DRC8: variants seen among roughly 807,000 people sequenced by gnomAD.
The protein encoded by DRC8 is dynein regulatory complex protein 8.
the DRC8 span, among the ~76,000 whole-genome samples, chr1:244,996,285 G>T: frequency 6.6e-6 from 1 of 151,898 alleles, no homozygotes; most frequent in African/African-American, 2.4e-5. Flanking sequence ...GATAAGAGGG[G>T]TGTGGGGGGG....
the DRC8 span, among the ~76,000 whole-genome samples, chr1:245,121,602 C>T: frequency 6.6e-6 from 1 of 152,210 alleles, no homozygotes; most frequent in African/African-American, 2.4e-5. Flanking sequence ...CCATCACTGC[C>T]TAGCTTAGGC....
the DRC8 span, chr1:245,002,017 T>C: frequency 1.1e-5 from 10 of 882,254 alleles, no homozygotes; most frequent in African/African-American, 1.7e-4. Context: ...GATTTTGCTT[T>C]GAAGTGAAAA....
At chr1:245,053,814 C>T in the DRC8 span, among the ~76,000 whole-genome samples, 2 of 152,064 alleles carry the variant, frequency 1.3e-5, no homozygotes, top group Non-Finnish European at 2.9e-5. Flanking sequence ...ATGGGTTCCT[C>T]AAGGGGATGT....
At chr1:245,117,486 G>A in the DRC8 span, among the ~76,000 whole-genome samples, 1 of 151,940 alleles carries the variant, frequency 6.6e-6, no homozygotes, top group Non-Finnish European at 1.5e-5. Context: ...CTGCAGTGGT[G>A]CAATCTTGAC....
chr1:245,096,968 T>G, the DRC8 span, among the ~76,000 whole-genome samples: 1 of 152,204 alleles, frequency 6.6e-6, no homozygotes, highest in Non-Finnish European at 1.5e-5. Flanking sequence ...CACACAGGGC[T>G]TAGTAAGTGG....
chr1:245,030,774 C>G, the DRC8 span: 1 of 152,494 alleles, frequency 6.6e-6, no homozygotes, highest in South Asian at 2.1e-4. Context: ...CTCTCTGTGC[C>G]GTTCCTCTTC....
the DRC8 span, among the ~76,000 whole-genome samples, chr1:245,077,936 G>A: frequency 6.6e-6 from 1 of 151,740 alleles, no homozygotes; most frequent in African/African-American, 2.4e-5. Flanking sequence ...TGGAATGGGA[G>A]AAAATGTTGC....
the DRC8 span, among the ~76,000 whole-genome samples, chr1:244,993,562 A>C: frequency 2.0e-5 from 3 of 152,254 alleles, no homozygotes; most frequent in Non-Finnish European, 4.4e-5. Flanking sequence ...TAACATCCAC[A>C]GACACTTCTA....
chr1:245,040,139 AAG>A, the DRC8 span, among the ~76,000 whole-genome samples: 1 of 152,234 alleles, frequency 6.6e-6, no homozygotes, highest in African/African-American at 2.4e-5. Flanking sequence ...TATTTTTAAA[AAG>A]GAAATTCCAG....
At chr1:245,027,870 G>GTTT in the DRC8 span, among the ~76,000 whole-genome samples, 2 of 137,976 alleles carry the variant, frequency 1.4e-5, no homozygotes, top group African/African-American at 2.7e-5. Flanking sequence ...TCTCTTGTCA[G>GTTT]TTTTTTTTTT....
chr1:245,033,116 C>T, the DRC8 span, among the ~76,000 whole-genome samples: 8 of 152,200 alleles, frequency 5.3e-5, no homozygotes, highest in African/African-American at 1.9e-4. Flanking sequence ...CACGGCTAGT[C>T]CGGTACTGCA....
At chr1:245,106,547 T>A in the DRC8 span, among the ~76,000 whole-genome samples, 1 of 151,970 alleles carries the variant, frequency 6.6e-6, no homozygotes, top group Admixed American at 6.6e-5. Context: ...TATTTAAAAA[T>A]AAGAAAAATG....
At chr1:245,047,407 G>A in the DRC8 span, among the ~76,000 whole-genome samples, 2 of 152,154 alleles carry the variant, frequency 1.3e-5, no homozygotes, top group African/African-American at 4.8e-5. Flanking sequence ...GGCTAAGGCA[G>A]GTGGATCACT....
At chr1:245,059,297 A>C in the DRC8 span, 2 of 885,934 alleles carry the variant, frequency 2.3e-6, no homozygotes, top group South Asian at 1.5e-5. Flanking sequence ...GGTTTCCTAC[A>C]TTACAAAATA....
At chr1:244,973,025 T>C in the DRC8 span, among the ~76,000 whole-genome samples, 1 of 152,176 alleles carries the variant, frequency 6.6e-6, no homozygotes, top group Non-Finnish European at 1.5e-5. Flanking sequence ...TATATTTGAT[T>C]GTCAGCTACT....
chr1:245,088,553 A>G, the DRC8 span, among the ~76,000 whole-genome samples: 1,005 of 152,328 alleles, frequency 6.6e-3, 14 homozygotes, highest in African/African-American at 0.023. This position sits in a 1 kb window ranked among gnomAD's most constrained non-coding sequence, Gnocchi z 4.6. Context: ...GGAGTCCCTA[A>G]CGAATCCAGG....
the DRC8 span, among the ~76,000 whole-genome samples, chr1:244,995,038 G>A: frequency 6.6e-6 from 1 of 151,882 alleles, no homozygotes; most frequent in Non-Finnish European, 1.5e-5. Context: ...CTCTCCTCTT[G>A]TATTTTATTT....
At chr1:245,065,225 G>T in the DRC8 span, among the ~76,000 whole-genome samples, 1 of 150,944 alleles carries the variant, frequency 6.6e-6, no homozygotes, top group African/African-American at 2.4e-5. Context: ...GCTAATTTTT[G>T]TATTTTCAGT....
the DRC8 span, among the ~76,000 whole-genome samples, chr1:245,037,585 G>A: frequency 1.7e-3 from 258 of 152,262 alleles, 1 homozygote; most frequent in African/African-American, 5.9e-3. Flanking sequence ...ATCCGCATTT[G>A]CTGTTATTAT....
Sources: gnomAD v4.1 joint callset for allele counts (sites outside exome capture counted in the v4.1 genomes callset) on GRCh38, gnomAD v4.1.1 for gene constraint, Gnocchi (gnomAD v3.1) non-coding constraint, MANE v1.5 for transcripts, NCBI Gene and HGNC (gene_info 2026-07-23, HGNC 2026-07-21) for gene names.